The following TG variants were observed in gnomAD, a reference collection of about 807,000 sequenced individuals.
The protein encoded by TG is thyroglobulin.
In TG, 270 loss-of-function variants were observed where a neutral mutation model predicts 324.7. The ratio of observed to expected loss-of-function variants is 0.83; its 90% CI spans 0.75 to 0.92. The LOEUF (loss-of-function observed/expected upper bound fraction) is 0.92, where lower values mean the gene tolerates loss of function less well. Among genes scored for constraint, TG ranks in the 40% least tolerant of loss-of-function variants. TG has a pLI of 0.00. For missense variants in TG, 3,591 were observed against 3,456.4 expected (o/e 1.04, Z -0.98); for synonymous variants, 1,401 against 1,327.0 (o/e 1.06, Z -1.21).
chr8:133,018,821 A>G (rs545817478), intron 38 of TG, among the ~76,000 whole-genome samples: 4 of 152,110 alleles, frequency 2.6e-5, no homozygotes, highest in Non-Finnish European at 5.9e-5. Context: ...AAGCAGGTCC[A>G]TGGGCCCATT....
intron 41 of TG, among the ~76,000 whole-genome samples, chr8:133,032,051 T>C (rs936764243): frequency 2.6e-5 from 4 of 152,262 alleles, no homozygotes; most frequent in Non-Finnish European, 5.9e-5. Flanking sequence ...GGGTGTGCCT[T>C]GCTCTCCACG....
intron 43 of TG, among the ~76,000 whole-genome samples, chr8:133,106,250 G>A (rs1849793508): frequency 6.6e-6 from 1 of 152,182 alleles, no homozygotes; most frequent in South Asian, 2.1e-4. Context: ...GGGCAGTGTG[G>A]CCTGCAGAGT....
At position 132,882,382 on chromosome 8, in the gene TG, G is replaced by T. The variant is rs879106120; in HGVS notation, c.746-87G>T. On this transcript the variant is annotated intron_variant, in intron 6 of 47. Transcript: ENST00000220616. ...TTGCCTAATGATGCTGGTGAAGGCTGTCTCTCTCAGTATCTGTTTGCACAA... is the reference window on the plus strand; with the variant it reads ...TTGCCTAATGATGCTGGTGAAGGCTTTCTCTCTCAGTATCTGTTTGCACAA... 5.4e-5 allele frequency: 80 copies of T among 1,481,736 alleles called. 2 individuals are homozygous for T. The South Asian group carries it at 8.7e-4, about 16-fold the overall frequency. The allele number at this position is 1,481,736 out of a possible 1,614,324, so 91.8% of individuals were successfully genotyped here.
chr8:132,987,739 T>TGC, intron 35 of TG, among the ~76,000 whole-genome samples: 2 of 127,228 alleles, frequency 1.6e-5, no homozygotes, highest in South Asian at 2.5e-4. Context: ...TGTGTGTGCG[T>TGC]GTGTGTGTGT....
chr8:132,983,275 T>G, intron 34 of TG, 75 bp from the exon 35 acceptor site: 13 of 1,495,064 alleles, frequency 8.7e-6, no homozygotes, highest in Non-Finnish European at 1.2e-5. Context: ...CATCTTATAC[T>G]TATATTAATG....
In TG at chr8:132,882,838, G is replaced by A. The variant is rs1293990748; in HGVS notation, c.914G>A (p.Arg305Gln). 8 of 1,614,194 alleles carry A rather than the reference G, an allele frequency of 5.0e-6. No homozygotes were observed. The highest frequency in any genetic ancestry group is 1.6e-4 in the Middle Eastern group (1 of 6,062). The change falls in exon 8 of 48, where the codon CGG (arginine) becomes CAG (glutamine). Residue 305 changes from arginine to glutamine, a missense_variant. Physicochemically the swap from Arg to Gln is conservative, Grantham distance 43. Transcript: ENST00000220616. ...FRCPTKCEVE[R>Q]FTATSFGHPY... ...GGCCCCACAAAATGTGAAGTGGAGC[G>A]GTTTACAGCAACCAGCTTTGGTCAC...
rs779388125 is a variant in TG at position 132,891,112 on chromosome 8, C to T, written c.2761+2544C>T. 2.0e-5 allele frequency among the ~76,000 whole-genome samples: 3 copies of T among 152,062 alleles called. No homozygotes were observed. The South Asian group carries it at 6.2e-4, about 32-fold the overall frequency. On this transcript the variant is annotated intron_variant, in intron 10 of 47. Transcript: ENST00000220616. Reference sequence around the variant, plus strand: ...GGAGGGCGCTCAGAGAAAGGGGCTACTAACTCATTGAAGATTGGGGTAAAG... The same window carrying T: ...GGAGGGCGCTCAGAGAAAGGGGCTATTAACTCATTGAAGATTGGGGTAAAG...
chr8:132,932,192 A>C (rs2132550025), intron 23 of TG, among the ~76,000 whole-genome samples: 1 of 152,290 alleles, frequency 6.6e-6, no homozygotes, highest in South Asian at 2.1e-4. Context: ...CTCAGTGCCT[A>C]GTTCATAAAA....
intron 34 of TG, among the ~76,000 whole-genome samples, chr8:132,981,419 A>G (rs3892189): frequency 0.1 from 15,603 of 152,262 alleles, 1,034 homozygotes; most frequent in Middle Eastern, 0.17. Flanking sequence ...AATGCCCTCA[A>G]CATAGATAGT....
At chr8:133,085,227 A>G (rs1846336855) in intron 41 of TG, among the ~76,000 whole-genome samples, 1 of 152,250 alleles carries the variant, frequency 6.6e-6, no homozygotes, top group African/African-American at 2.4e-5. Context: ...ACAAGTTTTT[A>G]TATATCTATA....
At chr8:132,920,386 G>T (rs2132454616) in intron 21 of TG, among the ~76,000 whole-genome samples, 1 of 152,288 alleles carries the variant, frequency 6.6e-6, no homozygotes, top group Non-Finnish European at 1.5e-5. Flanking sequence ...AAAAGATCAA[G>T]ATACTTTCTT....
chr8:133,060,149 G>A (rs1235969636), intron 41 of TG: 1 of 1,612,630 alleles, frequency 6.2e-7, no homozygotes. Context: ...TGGATTTCAT[G>A]CTGTTTCCCA....
chr8:132,966,659 T>A lies in TG; in HGVS notation c.5648T>A (p.Leu1883Gln). The A allele has an allele frequency of 1.2e-6, 2 of 1,614,152 alleles. No individual in the cohort carries two copies. The highest frequency in any genetic ancestry group is 1.7e-6 in the Non-Finnish European group (2 of 1,179,998). The stretch of plus-strand genomic sequence containing the variant: ...CAGAAGCACTGGCTTTTCAAGCACC[T>A]GTTTTCAGCCCAGCAGGCAAACCTA... ...SSQKHWLFKH[L>Q]FSAQQANLWC... Residue 1883 changes from leucine to glutamine, a missense_variant, in exon 30 of 48, where the codon CTG becomes CAG. Leu to Gln is a moderately radical substitution (Grantham distance 113, BLOSUM62 -2). Coordinates refer to ENST00000220616, the MANE Select transcript of TG (RefSeq NM_003235.5).
intron 41 of TG, among the ~76,000 whole-genome samples, chr8:133,076,993 G>A (rs1281003349): frequency 1.3e-5 from 2 of 152,118 alleles, no homozygotes; most frequent in African/African-American, 4.8e-5. Context: ...TATCAATTAT[G>A]GCGACCCATC....
chr8:133,002,604 A>C (rs183951410), intron 35 of TG: 33 of 235,156 alleles, frequency 1.4e-4, no homozygotes, highest in African/African-American at 7.2e-4. Flanking sequence ...TTTAACATCT[A>C]CTATGCCATG....
intron 20 of TG, 135 bp from the exon 21 acceptor site, chr8:132,919,241 G>C: frequency 2.1e-6 from 2 of 941,108 alleles, no homozygotes; most frequent in South Asian, 2.9e-5. Context: ...ACACACAGTA[G>C]GTTCTCAGTG....
chr8:132,968,387 G>A (rs1229716838), intron 31 of TG, among the ~76,000 whole-genome samples: 1 of 152,140 alleles, frequency 6.6e-6, no homozygotes, highest in African/African-American at 2.4e-5. Context: ...TTTAATACAT[G>A]CATCAGAATC....
chr8:132,952,261 G>A (rs983765001), intron 27 of TG, among the ~76,000 whole-genome samples: 11 of 152,194 alleles, frequency 7.2e-5, no homozygotes, highest in African/African-American at 2.7e-4. Flanking sequence ...GCTGAGCACA[G>A]CAGGCTAGCG....
rs1209794185 is a variant in TG, at chr8:132,887,541, C to T, written c.2169C>T (p.Pro723=). ...IPGTRSAIGK[P]KKCPTPCQLQ... is the part of the protein sequence containing the mutation. ...GAACTCGAAGTGCAATAGGGAAGCCCAAGAAATGTAAGTCTGTTGGGTATT... is the reference window on the plus strand; with the variant it reads ...GAACTCGAAGTGCAATAGGGAAGCCTAAGAAATGTAAGTCTGTTGGGTATT... The change falls in exon 9 of 48, where the codon CCC becomes CCT. Residue 723 remains proline, a synonymous_variant. Transcript: ENST00000220616. The T allele has an allele frequency of 6.2e-7, 1 of 1,614,162 alleles. No individual in the cohort carries two copies. The highest frequency in any genetic ancestry group is 8.5e-7 in the Non-Finnish European group (1 of 1,180,034).
Sources: allele counts gnomAD v4.1 joint callset (sites outside exome capture counted in the v4.1 genomes callset), GRCh38; gene constraint gnomAD v4.1.1; transcripts MANE v1.5; gene names NCBI Gene and HGNC (gene_info 2026-07-23, HGNC 2026-07-21).